ZNF564: variants seen among roughly 807,000 people sequenced by gnomAD.
ZNF564 encodes the protein zinc finger protein 564.
A neutral mutation model predicts 10.5 loss-of-function variants in ZNF564; 5 were observed. The observed-to-expected ratio is 0.48, with a 90% CI of 0.25 to 1.00. ZNF564 has a LOEUF of 1.00. Ranked by LOEUF, ZNF564 falls within the 50% of genes least tolerant of loss-of-function variation. ZNF564 has a pLI of 0.16. For missense variants in ZNF564, 603 were observed against 669.7 expected (o/e 0.90, Z 1.10); for synonymous variants, 242 against 218.1 (o/e 1.11, Z -0.97).
At chr19:12,551,241 A>G in intron 1 of ZNF564, 89 bp downstream of exon 1, 1 of 1,443,980 alleles carries the variant, frequency 6.9e-7, no homozygotes, top group Non-Finnish European at 9.5e-7. Context: ...GAGTCGCTGC[A>G]GGGAGGCCAG....
intron 1 of ZNF564, among the ~76,000 whole-genome samples, chr19:12,539,919 T>G (rs982381758): frequency 1.5e-5 from 2 of 132,968 alleles, no homozygotes; most frequent in African/African-American, 5.7e-5. Flanking sequence ...AGGCGGAGCT[T>G]GCAGTGAGCC....
At chr19:12,542,245 G>T (rs369505484) in intron 1 of ZNF564, among the ~76,000 whole-genome samples, 128 of 146,384 alleles carry the variant, frequency 8.7e-4, no homozygotes, top group African/African-American at 2.6e-3. Context: ...GTAGGCAGAG[G>T]TTGCAGTGAG....
Position 12,550,393 on chromosome 19 carries a change from C to A in ZNF564, c.3+937G>T, listed in dbSNP as rs974501723. 2.5e-5 allele frequency: 4 copies of A among 162,188 alleles called. No homozygotes were observed. In the South Asian group the frequency reaches 4.0e-4, roughly 16 times the overall value. 10.0% of individuals were successfully genotyped at this position (162,188 alleles called of 1,614,324 possible). ...ACAAGAGGCCGGGCGCGGTGGCTCA[C>A]GTCTGTAATACCAGCATTTTGGGAG... is the stretch of plus-strand genomic sequence containing the variant. On this transcript the variant is annotated intron_variant, in intron 1 of 3. Coordinates refer to ENST00000339282, the MANE Select transcript of ZNF564 (RefSeq NM_144976.4).
intron 1 of ZNF564, among the ~76,000 whole-genome samples, chr19:12,536,201 G>C (rs1237169042): frequency 6.6e-6 from 1 of 151,972 alleles, no homozygotes; most frequent in African/African-American, 2.4e-5. Context: ...TTTTGAGACA[G>C]GGTCTCATTT....
chr19:12,550,995 C>T (rs1002968839), intron 1 of ZNF564, among the ~76,000 whole-genome samples: 3 of 152,258 alleles, frequency 2.0e-5, no homozygotes, highest in Non-Finnish European at 4.4e-5. Flanking sequence ...CATGCACGAA[C>T]CGCACACCCG....
chr19:12,537,187 TTTTC>T (rs1176957107), intron 1 of ZNF564, among the ~76,000 whole-genome samples: 1 of 152,208 alleles, frequency 6.6e-6, no homozygotes, highest in Non-Finnish European at 1.5e-5. Flanking sequence ...ATATTACACA[TTTTC>T]TTTATCTATC....
chr19:12,533,743 A>AGAG, intron 1 of ZNF564, among the ~76,000 whole-genome samples: 1 of 150,070 alleles, frequency 6.7e-6, no homozygotes, highest in East Asian at 1.9e-4. Context: ...AAAAAAAAAA[A>AGAG]AAAAAAACAG....
chr19:12,535,184 AC>A (rs1341919574), intron 1 of ZNF564, among the ~76,000 whole-genome samples: 1 of 151,698 alleles, frequency 6.6e-6, no homozygotes, highest in African/African-American at 2.4e-5. Context: ...GACCAGCCTG[AC>A]CAAACGGTGA....
intron 1 of ZNF564, among the ~76,000 whole-genome samples, chr19:12,545,282 A>AAAG (rs2022130074): frequency 6.6e-6 from 1 of 150,520 alleles, no homozygotes; most frequent in Non-Finnish European, 1.5e-5. Context: ...AAAAAAAAAA[A>AAAG]GAAATGAGTG....
In ZNF564 at chr19:12,527,135, G is replaced by C. The variant is rs757998779; in HGVS notation, c.973C>G (p.Arg325Gly). 1.9e-6 allele frequency: 3 copies of C among 1,613,948 alleles called. No individual in the cohort carries two copies. In the Admixed American group the frequency reaches 5.0e-5, roughly 27 times the overall value. Reference protein sequence around the residue: ...GRAFIFPSYVRKHERTHTGEK... With the variant: ...GRAFIFPSYVGKHERTHTGEK... ...CCAGTATGAGTTCTTTCATGCTTTC[G>C]AACATAACTGGGAAAAATAAAGGCT... Residue 325 changes from arginine (R) to glycine (G), a missense_variant, in exon 4 of 4, where the codon CGA becomes GGA. By Grantham distance (125) the Arg-to-Gly change is moderately radical (BLOSUM62 -2). Transcript: ENST00000339282.
chr19:12,532,913 T>C (rs950306410), intron 1 of ZNF564: 3 of 152,120 alleles, frequency 2.0e-5, no homozygotes, highest in Non-Finnish European at 2.9e-5. Context: ...AATCTACTTG[T>C]ATAGTTGGAG....
At chr19:12,548,188 G>C in intron 1 of ZNF564, 2 of 980,854 alleles carry the variant, frequency 2.0e-6, no homozygotes, top group Non-Finnish European at 2.4e-6. Flanking sequence ...ATGTATATAG[G>C]AGGAAAGGAA....
chr19:12,532,997 A>G (rs1289670522), intron 1 of ZNF564: 1 of 152,224 alleles, frequency 6.6e-6, no homozygotes, highest in East Asian at 1.9e-4. Flanking sequence ...TAAAGTAAAT[A>G]GCATCATCAA....
intron 1 of ZNF564, chr19:12,548,570 G>A (rs748496291): frequency 3.0e-5 from 14 of 467,538 alleles, no homozygotes; most frequent in East Asian, 7.0e-5. Context: ...CAGGATGGTC[G>A]CGATCTCCTG....
At chr19:12,545,207 A>G (rs1568267137) in intron 1 of ZNF564, among the ~76,000 whole-genome samples, 1 of 149,030 alleles carries the variant, frequency 6.7e-6, no homozygotes, top group Non-Finnish European at 1.5e-5. Flanking sequence ...GGTTGTGGTG[A>G]GCCAAGATCG....
rs747876940 is a variant in ZNF564 at position 12,526,533 on chromosome 19, T to C, written c.1575A>G (p.Arg525=). The change falls in exon 4 of 4, where the codon AGA becomes AGG. Residue 525 remains arginine, a synonymous_variant. Transcript: ENST00000339282. The part of the protein sequence containing the change: ...SYSSSFQRHE[R]AHNGDKPYVK... ...CGTAAGGTTTATCTCCATTATGAGC[T>C]CTTTCATGTCTTTGAAAGGAACTGG... 3 of 1,613,576 alleles carry C rather than the reference T, an allele frequency of 1.9e-6. No individual in the cohort carries two copies. Among genetic ancestry groups the C allele is most frequent in the Non-Finnish European group, 2.5e-6 (3 of 1,179,938 alleles).
At chr19:12,546,933 T>C (rs975001745) in intron 1 of ZNF564, among the ~76,000 whole-genome samples, 2 of 152,174 alleles carry the variant, frequency 1.3e-5, no homozygotes, top group Non-Finnish European at 2.9e-5. Flanking sequence ...ATCCCTCCTT[T>C]ATAAACCATC....
intron 1 of ZNF564, among the ~76,000 whole-genome samples, chr19:12,546,321 T>A (rs1453615791): frequency 6.6e-6 from 1 of 152,192 alleles, no homozygotes; most frequent in African/African-American, 2.4e-5. Flanking sequence ...AGAATAGCTA[T>A]GATTAAAACA....
At chr19:12,540,934 C>T (rs1036458569) in intron 1 of ZNF564, among the ~76,000 whole-genome samples, 57 of 151,194 alleles carry the variant, frequency 3.8e-4, no homozygotes, top group Middle Eastern at 3.4e-3. Context: ...ATTGCTTGAA[C>T]CCAAGAGTGG....
Sources: gnomAD v4.1 joint callset for allele counts (sites outside exome capture counted in the v4.1 genomes callset) on GRCh38, gnomAD v4.1.1 for gene constraint, MANE v1.5 for transcripts, NCBI Gene and HGNC (gene_info 2026-07-23, HGNC 2026-07-21) for gene names.